TADA2A: variants seen among roughly 807,000 people sequenced by gnomAD.
The protein encoded by TADA2A is transcriptional adapter 2-alpha.
In TADA2A, 38 loss-of-function variants were observed where a neutral mutation model predicts 67.4. That is an observed-to-expected ratio of 0.56 (90% CI 0.44 to 0.74). The LOEUF is 0.74. Among genes scored for constraint, TADA2A ranks in the 30% least tolerant of loss-of-function variants. TADA2A has a pLI of 0.00. For missense variants in TADA2A, 454 were observed against 547.0 expected (o/e 0.83, Z 1.70); for synonymous variants, 192 against 181.6 (o/e 1.06, Z -0.46).
At chr17:37,470,939 C>T (rs904033592) in intron 13 of TADA2A, among the ~76,000 whole-genome samples, 155 bp from the exon 14 acceptor site, 1 of 152,106 alleles carries the variant, frequency 6.6e-6, no homozygotes, top group Non-Finnish European at 1.5e-5. Context: ...CTTTCCTGCT[C>T]AATACAGTGA....
chr17:37,418,076 ACAC>A (rs745529833), intron 2 of TADA2A, among the ~76,000 whole-genome samples: 20 of 152,238 alleles, frequency 1.3e-4, no homozygotes, highest in Non-Finnish European at 2.4e-4. Flanking sequence ...TGACTAAGAA[ACAC>A]CACAAGCTAG....
intron 2 of TADA2A, among the ~76,000 whole-genome samples, chr17:37,422,804 A>G (rs963601999): frequency 6.6e-6 from 1 of 152,154 alleles, no homozygotes; most frequent in African/African-American, 2.4e-5. Context: ...GCCGGCCTAC[A>G]GTGATTATTT....
chr17:37,471,816 A>G (rs189538443), intron 14 of TADA2A, among the ~76,000 whole-genome samples: 68 of 152,008 alleles, frequency 4.5e-4, no homozygotes, highest in Non-Finnish European at 8.7e-4. Flanking sequence ...TAAACTTTTT[A>G]TTTTTATATA....
At chr17:37,458,744 A>G (rs1266579863) in intron 9 of TADA2A, among the ~76,000 whole-genome samples, 157 bp downstream of exon 9, 1 of 151,778 alleles carries the variant, frequency 6.6e-6, no homozygotes, top group Admixed American at 6.6e-5. Context: ...CAGCACAATA[A>G]TGGCTCACTG....
chr17:37,459,740 G>C (rs183525666), intron 9 of TADA2A, among the ~76,000 whole-genome samples: 2 of 151,668 alleles, frequency 1.3e-5, no homozygotes, highest in African/African-American at 4.8e-5. Flanking sequence ...CTACAGGTGC[G>C]CACCACCACA....
At chr17:37,410,625 A>G (rs1238739469) in intron 1 of TADA2A, among the ~76,000 whole-genome samples, 8 of 152,214 alleles carry the variant, frequency 5.3e-5, no homozygotes, top group Admixed American at 5.2e-4. Context: ...GAGAAGAGTT[A>G]AACAGTTGAG....
At position 37,465,469 on chromosome 17, in the gene TADA2A, T is replaced by C. The variant is rs768651633; in HGVS notation, c.751T>C (p.Tyr251His). The change falls in exon 11 of 16, where the codon TAT (tyrosine) becomes CAT (histidine). Residue 251 changes from tyrosine (Y) to histidine (H), a missense_variant. Coordinates refer to ENST00000615182, the MANE Select transcript of TADA2A (RefSeq NM_001166105.3). Reference protein sequence around the residue: ...RRYPKEVQDLYETMRRFARIV... With the variant: ...RRYPKEVQDLHETMRRFARIV... Reference sequence around the variant, plus strand: ...GTATCCCAAGGAGGTCCAGGACCTGTATGAAACAATGAGGCGATTTGCAAG... The same window carrying C: ...GTATCCCAAGGAGGTCCAGGACCTGCATGAAACAATGAGGCGATTTGCAAG... 1.2e-5 allele frequency: 20 copies of C among 1,613,974 alleles called. No individual in the cohort carries two copies. Among genetic ancestry groups the C allele is most frequent in the Non-Finnish European group, 1.4e-5 (16 of 1,180,012 alleles).
chr17:37,477,491 GT>G lies in TADA2A; in HGVS notation c.*512del, dbSNP rs1389733769. 2.0e-5 allele frequency: 3 copies of G among 148,098 alleles called. No individual in the cohort carries two copies. Among genetic ancestry groups the G allele is most frequent in the Admixed American group, 1.3e-4 (2 of 14,858 alleles). The allele number at this position is 148,098 out of a possible 1,614,324, so 9.2% of individuals were successfully genotyped here. A position where few individuals can be genotyped will look rare whatever the true frequency, so the allele number is the denominator to read the frequency against. Reference sequence around the variant, plus strand: ...TTTTTTTTTTTTTTTTTGAGACAGAGTTTGCTCTTGTCCTCCAGGCTGGAGT... The same window carrying G: ...TTTTTTTTTTTTTTTTTGAGACAGAGTTGCTCTTGTCCTCCAGGCTGGAGT... On this transcript the variant is annotated 3_prime_UTR_variant, in exon 16 of 16. Transcript: ENST00000615182.
intron 2 of TADA2A, among the ~76,000 whole-genome samples, chr17:37,412,187 G>A (rs2051897442): frequency 6.6e-6 from 1 of 150,686 alleles, no homozygotes; most frequent in Non-Finnish European, 1.5e-5. Context: ...CTCCAGCTTG[G>A]GCGACAGAGT....
intron 7 of TADA2A, 140 bp downstream of exon 7, chr17:37,442,792 A>G (rs1381501026): frequency 4.4e-6 from 3 of 678,694 alleles, no homozygotes; most frequent in Non-Finnish European, 7.1e-6. Flanking sequence ...TTAGGCAGCC[A>G]CATTTTCTTA....
chr17:37,466,922 C>T (rs1007443108), intron 11 of TADA2A, among the ~76,000 whole-genome samples: 21 of 152,200 alleles, frequency 1.4e-4, no homozygotes, highest in African/African-American at 4.1e-4. Flanking sequence ...TTTGGAAGGC[C>T]GAGGCGGGTG....
intron 2 of TADA2A, among the ~76,000 whole-genome samples, chr17:37,412,260 C>T (rs911342043): frequency 1.3e-5 from 2 of 150,512 alleles, no homozygotes; most frequent in Non-Finnish European, 3.0e-5. Context: ...ATGGACCAGG[C>T]ATATTCTGAT....
intron 2 of TADA2A, among the ~76,000 whole-genome samples, chr17:37,417,382 A>G (rs2052084326): frequency 6.6e-6 from 1 of 151,380 alleles, no homozygotes; most frequent in Non-Finnish European, 1.5e-5. Context: ...TCTCAAAAAA[A>G]AAAAATTAGC....
intron 2 of TADA2A, among the ~76,000 whole-genome samples, chr17:37,418,307 A>G (rs532366036): frequency 1.3e-5 from 2 of 152,336 alleles, no homozygotes. Context: ...GTCAATTTTT[A>G]TTAGAATGTA....
chr17:37,436,834 T>TTA (rs1276491105), intron 4 of TADA2A, among the ~76,000 whole-genome samples: 1 of 151,722 alleles, frequency 6.6e-6, no homozygotes, highest in Non-Finnish European at 1.5e-5. Flanking sequence ...TACATACATA[T>TTA]TTGTCTTTTC....
At chr17:37,468,896 T>C (rs746907575) in intron 12 of TADA2A, among the ~76,000 whole-genome samples, 20 of 152,130 alleles carry the variant, frequency 1.3e-4, no homozygotes, top group African/African-American at 4.6e-4. Flanking sequence ...AAGAAATAGT[T>C]GGCTTCTTTT....
At chr17:37,475,235 G>A (rs1250888932) in intron 15 of TADA2A, among the ~76,000 whole-genome samples, 2 of 151,808 alleles carry the variant, frequency 1.3e-5, no homozygotes, top group Non-Finnish European at 2.9e-5. Context: ...GCAGTGATGC[G>A]ATCACAGCTC....
At chr17:37,444,866 G>T (rs2053030085) in intron 8 of TADA2A, 98 bp downstream of exon 8, 2 of 1,103,382 alleles carry the variant, frequency 1.8e-6, no homozygotes, top group Admixed American at 4.3e-5. Context: ...CATGTCCCCT[G>T]CCCTTATAGA....
intron 3 of TADA2A, among the ~76,000 whole-genome samples, chr17:37,426,077 G>GAT (rs998156874): frequency 6.6e-6 from 1 of 151,960 alleles, no homozygotes; most frequent in Admixed American, 6.6e-5. Context: ...TGGGCTCAAT[G>GAT]ATCCTCCTCC....
Sources: gnomAD v4.1 joint callset for allele counts (sites outside exome capture counted in the v4.1 genomes callset) on GRCh38, gnomAD v4.1.1 for gene constraint, MANE v1.5 for transcripts, NCBI Gene and HGNC (gene_info 2026-07-23, HGNC 2026-07-21) for gene names.